The following TENM1 variants were observed in gnomAD, a reference collection of about 807,000 sequenced individuals.
TENM1 encodes teneurin-1.
In TENM1, 35 loss-of-function variants were observed where a neutral mutation model predicts 174.8. The ratio of observed to expected loss-of-function variants is 0.20; its 90% CI spans 0.15 to 0.27. TENM1 has a LOEUF of 0.27. Ranked by LOEUF, TENM1 falls within the 10% of genes least tolerant of loss-of-function variation. The probability of loss-of-function intolerance (pLI) is 1.00; values close to 1 mark genes in which losing one functional copy is unlikely to be tolerated. For missense variants in TENM1, 1,633 were observed against 2,130.1 expected (o/e 0.77, Z 4.59); for synonymous variants, 781 against 798.7 (o/e 0.98, Z 0.37).
At chrX:124,620,289 GT>G (rs1360820733) in intron 11 of TENM1, among the ~76,000 whole-genome samples, 5 of 110,499 alleles carry the variant, frequency 4.5e-5, no homozygotes, top group Non-Finnish European at 9.5e-5. Flanking sequence ...CCTCAATAAT[GT>G]TTTTGACCAT....
chrX:124,795,566 T>C (rs1341307811), intron 3 of TENM1, among the ~76,000 whole-genome samples: 1 of 111,884 alleles, frequency 8.9e-6, no homozygotes, highest in Non-Finnish European at 1.9e-5. Flanking sequence ...TTTTTCTTTG[T>C]CATACTATGT....
intron 22 of TENM1, among the ~76,000 whole-genome samples, chrX:124,473,800 C>A (rs746063565): frequency 9.0e-6 from 1 of 111,703 alleles, no homozygotes; most frequent in African/African-American, 3.2e-5. Context: ...CTAGACAATT[C>A]CCTGCACCAC....
At chrX:124,948,941 A>G (rs2058442252) in intron 1 of TENM1, among the ~76,000 whole-genome samples, 1 of 111,954 alleles carries the variant, frequency 8.9e-6, no homozygotes, top group Middle Eastern at 4.2e-3. Context: ...CCATGATAGG[A>G]CTAAGAATTT....
rs201990278 is a variant in TENM1 at position 124,826,462 on chromosome X, T to C, written c.535+67834A>G. Among the ~76,000 whole-genome samples the C allele has an allele frequency of 2.7e-5, 3 of 109,790 alleles. No homozygotes were observed. The East Asian group carries it at 8.5e-4, about 31-fold the overall frequency. On this transcript the variant is annotated intron_variant, in intron 3 of 31. Transcript: ENST00000422452. ...CAAAAAATTGAAGACACCCTAAATA[T>C]CCACTGTTAGGGGAATATTTAAGTA...
At chrX:124,713,580 T>A (rs1037713820) in intron 4 of TENM1, among the ~76,000 whole-genome samples, 24 of 112,504 alleles carry the variant, frequency 2.1e-4, no homozygotes, top group African/African-American at 7.7e-4. Flanking sequence ...GAGATCCTTT[T>A]TAAACCTTTC....
chrX:125,179,590 T>C, the TENM1 span, among the ~76,000 whole-genome samples: 1 of 111,742 alleles, frequency 8.9e-6, no homozygotes, highest in South Asian at 3.8e-4. Flanking sequence ...CAGAAACCTT[T>C]CCCTTATGCC....
intron 14 of TENM1, among the ~76,000 whole-genome samples, chrX:124,556,882 T>C (rs1376062616): frequency 9.0e-6 from 1 of 111,731 alleles, no homozygotes; most frequent in Non-Finnish European, 1.9e-5. Flanking sequence ...CCATGAGCTT[T>C]TTGAAGTCCC....
At chrX:124,519,718 A>C (rs979653528) in intron 18 of TENM1, among the ~76,000 whole-genome samples, 2 of 111,066 alleles carry the variant, frequency 1.8e-5, no homozygotes, top group Admixed American at 9.5e-5. Flanking sequence ...GTGTTAGTTT[A>C]TCTCTCTCTG....
chrX:124,996,924 A>G, the TENM1 span, among the ~76,000 whole-genome samples: 4 of 111,686 alleles, frequency 3.6e-5, no homozygotes, highest in African/African-American at 9.7e-5. Context: ...TAAAGAAAAG[A>G]GAGAAAGCGA....
At chrX:125,051,496 AT>A in the TENM1 span, among the ~76,000 whole-genome samples, 1 of 111,119 alleles carries the variant, frequency 9.0e-6, no homozygotes, top group Admixed American at 9.6e-5. Context: ...CAAAACAGAG[AT>A]ATAGACCAAT....
At position 124,582,255 on chromosome X, in the gene TENM1, G is replaced by C. The variant is rs1313270978; in HGVS notation, c.2078-16695C>G. Among the ~76,000 whole-genome samples, 28 of 112,183 alleles carry C rather than the reference G, an allele frequency of 2.5e-4. No individual in the cohort carries two copies. In the Admixed American group the frequency reaches 2.5e-3, roughly 10 times the overall value. On this transcript the variant is annotated intron_variant, in intron 11 of 31. Transcript: ENST00000422452. ...CTGCATAGTATTCCATGGTGTGTATGTACCATATTTTCTTTATCCAGTCTA... is the reference window on the plus strand; with the variant it reads ...CTGCATAGTATTCCATGGTGTGTATCTACCATATTTTCTTTATCCAGTCTA...
intron 4 of TENM1, among the ~76,000 whole-genome samples, chrX:124,718,723 A>C (rs1348758793): frequency 8.9e-6 from 1 of 112,103 alleles, no homozygotes; most frequent in Non-Finnish European, 1.9e-5. Context: ...AAGGGAAAAA[A>C]GAAATTAAGA....
chrX:124,453,252 T>C (rs1286163306), intron 23 of TENM1, 85 bp downstream of exon 26: 3 of 944,835 alleles, frequency 3.2e-6, no homozygotes, highest in Admixed American at 2.9e-5. Flanking sequence ...CAGGCTTCCA[T>C]TCTACCTCAT....
Position 124,462,436 on chromosome X carries a change from GGGGT to G in TENM1, c.3950-8949_3950-8946del, listed in dbSNP as rs1420204868. Reference sequence around the variant, plus strand: ...TGAGATACTGTGTGTGTGTGTGGGGGGGGTGGGGGTGGGGGGGAGGGTGTGTGTG... The same window carrying G: ...TGAGATACTGTGTGTGTGTGTGGGGGGGGGGTGGGGGGGAGGGTGTGTGTG... On this transcript the variant is annotated intron_variant, in intron 22 of 31. Transcript: ENST00000422452. 3.8e-4 allele frequency among the ~76,000 whole-genome samples: 38 copies of G among 99,165 alleles called. 1 individual carries two copies. Among genetic ancestry groups the G allele is most frequent in the African/African-American group, 9.7e-4 (25 of 25,730 alleles). 86.1% of individuals were successfully genotyped at this position (99,165 alleles called of 115,157 possible).
the TENM1 span, among the ~76,000 whole-genome samples, chrX:125,032,268 C>G: frequency 9.1e-6 from 1 of 109,631 alleles, no homozygotes; most frequent in Non-Finnish European, 1.9e-5. Context: ...CTCCTGAGTT[C>G]AAGCTATTCT....
At chrX:124,728,835 G>T (rs1378116459) in intron 4 of TENM1, among the ~76,000 whole-genome samples, 3 of 111,743 alleles carry the variant, frequency 2.7e-5, no homozygotes, top group African/African-American at 9.8e-5. Flanking sequence ...CTACCTGTGG[G>T]ATTTTACAAA....
At chrX:124,571,585 C>A (rs2049054731) in intron 11 of TENM1, among the ~76,000 whole-genome samples, 1 of 110,686 alleles carries the variant, frequency 9.0e-6, no homozygotes. Flanking sequence ...AAACCCATGG[C>A]AAGGTAATAG....
chrX:124,823,542 C>A (rs962596187), intron 3 of TENM1, among the ~76,000 whole-genome samples: 1 of 110,290 alleles, frequency 9.1e-6, no homozygotes, highest in Non-Finnish European at 1.9e-5. Flanking sequence ...TTTTGCCCGG[C>A]AAAGGAGAAA....
chrX:124,977,908 T>C, the TENM1 span, among the ~76,000 whole-genome samples: 1 of 105,982 alleles, frequency 9.4e-6, no homozygotes. Context: ...ATATGCTTGA[T>C]GTTGTCCCAC....
Sources: gnomAD v4.1 joint callset for allele counts (sites outside exome capture counted in the v4.1 genomes callset) on GRCh38, gnomAD v4.1.1 for gene constraint, MANE v1.5 for transcripts, NCBI Gene and HGNC (gene_info 2026-07-23, HGNC 2026-07-21) for gene names.